Variants in PPFIA1 observed in about 807,000 individuals in gnomAD.
The protein encoded by PPFIA1 is PPFI scaffold protein A1.
A neutral mutation model predicts 149.9 loss-of-function variants in PPFIA1; 25 were observed. That is an observed-to-expected ratio of 0.17 (90% CI 0.12 to 0.23). PPFIA1 has a LOEUF of 0.23. Ranked by LOEUF, PPFIA1 falls within the 10% of genes least tolerant of loss-of-function variation. PPFIA1 has a pLI of 1.00. For synonymous variants in PPFIA1, 549 were observed against 552.8 expected (o/e 0.99, Z 0.10); for missense variants, 1,362 against 1,506.5 (o/e 0.90, Z 1.59).
intron 2 of PPFIA1, among the ~76,000 whole-genome samples, chr11:70,307,015 A>G (rs1262262863): frequency 1.3e-5 from 2 of 152,146 alleles, no homozygotes; most frequent in African/African-American, 4.8e-5. Context: ...ACATGAAGAG[A>G]TTTTGGAGAT....
rs546084596 is a variant in PPFIA1, at chr11:70,362,265, T to G, written c.2665-23T>G. ...GTAGACTGTACCTCACTGTGCTGCC[T>G]TCCTTCCGCTTTCCGCCTCCAGCTC... On this transcript the variant is annotated intron_variant, in intron 20 of 27. Transcript: ENST00000253925. The G allele has an allele frequency of 6.2e-6, 10 of 1,613,932 alleles. No individual in the cohort carries two copies. In the African/African-American group the frequency reaches 1.3e-4, roughly 22 times the overall value.
chr11:70,300,624 C>T (rs1173947177), intron 2 of PPFIA1, among the ~76,000 whole-genome samples: 1 of 151,850 alleles, frequency 6.6e-6, no homozygotes, highest in Non-Finnish European at 1.5e-5. Flanking sequence ...CAGCTCCCCT[C>T]CTGGTTTCAT....
intron 4 of PPFIA1, chr11:70,325,230 G>GA (rs1185295929): frequency 3.0e-5 from 14 of 462,010 alleles, no homozygotes; most frequent in Non-Finnish European, 5.0e-5. Flanking sequence ...GGTAGTATTA[G>GA]GTTGTTGCAA....
intron 2 of PPFIA1, among the ~76,000 whole-genome samples, chr11:70,317,058 A>G (rs1049869615): frequency 6.6e-6 from 1 of 152,230 alleles, no homozygotes; most frequent in Non-Finnish European, 1.5e-5. Context: ...TAATTATTGC[A>G]TCTATTCTAT....
At chr11:70,277,038 A>T (rs1332412568) in intron 2 of PPFIA1, among the ~76,000 whole-genome samples, 2 of 55,178 alleles carry the variant, frequency 3.6e-5, no homozygotes, top group African/African-American at 1.2e-4. Flanking sequence ...TTTGATTGAG[A>T]TATATATATA....
At chr11:70,368,238 T>C (rs1316193807) in intron 21 of PPFIA1, among the ~76,000 whole-genome samples, 2 of 152,236 alleles carry the variant, frequency 1.3e-5, no homozygotes, top group African/African-American at 4.8e-5. Flanking sequence ...CAAAAATGTT[T>C]GGCATATTTC....
intron 2 of PPFIA1, among the ~76,000 whole-genome samples, chr11:70,284,259 C>T (rs2050956151): frequency 6.6e-6 from 1 of 152,190 alleles, no homozygotes; most frequent in Admixed American, 6.5e-5. Flanking sequence ...TAGTAGTTGG[C>T]AAAACACCTC....
chr11:70,367,483 A>G (rs1306463245), intron 21 of PPFIA1: 1 of 455,868 alleles, frequency 2.2e-6, no homozygotes, highest in Admixed American at 2.3e-5. Context: ...TATGGAGTTC[A>G]TAAGACTGGG....
At chr11:70,282,942 C>G (rs995989616) in intron 2 of PPFIA1, among the ~76,000 whole-genome samples, 1 of 149,928 alleles carries the variant, frequency 6.7e-6, no homozygotes, top group Non-Finnish European at 1.5e-5. Context: ...CAGGTTCAAG[C>G]GATTCTCTTG....
chr11:70,274,956 T>G (rs1019878389), intron 2 of PPFIA1, among the ~76,000 whole-genome samples: 1 of 152,220 alleles, frequency 6.6e-6, no homozygotes, highest in Non-Finnish European at 1.5e-5. Context: ...ACACTTCTGT[T>G]GGATTTCTAC....
At chr11:70,335,761 CT>C (rs1259438627) in intron 11 of PPFIA1, 67 bp downstream of exon 11, 41 of 1,566,120 alleles carry the variant, frequency 2.6e-5, no homozygotes, top group East Asian at 1.8e-4. Context: ...TCATCTGCCC[CT>C]GAGCAGGCGT....
intron 2 of PPFIA1, among the ~76,000 whole-genome samples, chr11:70,286,739 G>C: frequency 6.7e-6 from 1 of 148,408 alleles, no homozygotes; most frequent in South Asian, 2.2e-4. Context: ...TTTGCAGCAA[G>C]ATCTTTCTTT....
At chr11:70,369,175 C>G (rs562631515) in intron 21 of PPFIA1, among the ~76,000 whole-genome samples, 10 of 152,236 alleles carry the variant, frequency 6.6e-5, no homozygotes, top group Non-Finnish European at 7.4e-5. Context: ...TCTTACATTT[C>G]CGGAATGCTT....
chr11:70,349,470 TA>T (rs1048364797), intron 16 of PPFIA1, among the ~76,000 whole-genome samples: 2 of 150,920 alleles, frequency 1.3e-5, no homozygotes, highest in Admixed American at 6.6e-5. Context: ...CATCTTTATC[TA>T]AAAAAAAACC....
chr11:70,368,052 C>T (rs80265989), intron 21 of PPFIA1, among the ~76,000 whole-genome samples: 5 of 152,100 alleles, frequency 3.3e-5, no homozygotes, highest in East Asian at 1.9e-4. Context: ...GCTGGAAAAT[C>T]GCTTGAGCCC....
chr11:70,278,032 G>A (rs1158920983), intron 2 of PPFIA1, among the ~76,000 whole-genome samples: 3 of 151,156 alleles, frequency 2.0e-5, no homozygotes, highest in Admixed American at 6.6e-5. Context: ...TGCCTCAGCC[G>A]CCCGAGTAGC....
intron 14 of PPFIA1, 90 bp from the exon 15 acceptor site, chr11:70,343,579 A>T: frequency 1.7e-6 from 2 of 1,200,984 alleles, no homozygotes; most frequent in Non-Finnish European, 2.4e-6. Context: ...TTGGGCTTTC[A>T]TTAAAGAATT....
In PPFIA1 at chr11:70,326,626, G is replaced by T; in HGVS notation, c.738G>T (p.Glu246Asp). 3 of 1,614,022 alleles carry T rather than the reference G, an allele frequency of 1.9e-6. No homozygotes were observed. The highest frequency in any genetic ancestry group is 2.5e-6 in the Non-Finnish European group (3 of 1,180,004). ...CTTCTGATGGTTCTTTAAGCCACGA[G>T]GAAGACCTTGCTAAAGTAATTGAGC... Reference protein sequence around the residue: ...KRSSDGSLSHEEDLAKVIELQ... With the variant: ...KRSSDGSLSHDEDLAKVIELQ... Residue 246 changes from glutamate to aspartate, a missense_variant, in exon 7 of 28, where the codon GAG becomes GAT. By Grantham distance (45) the Glu-to-Asp change is conservative (BLOSUM62 2). Around this residue, in one of 7 missense-constraint regions of PPFIA1, gnomAD observed 733 missense variants for 744.1 expected, o/e 0.99. Coordinates refer to ENST00000253925, the MANE Select transcript of PPFIA1 (RefSeq NM_003626.5).
chr11:70,362,369 G>A lies in PPFIA1; in HGVS notation c.2746G>A (p.Asp916Asn), dbSNP rs750191381. 17 of 1,614,056 alleles carry A rather than the reference G, an allele frequency of 1.1e-5. No homozygotes were observed. Among genetic ancestry groups the A allele is most frequent in the Middle Eastern group, 1.6e-4 (1 of 6,084 alleles). ...KSGAIMSALS[D>N]TEIQREIGIS... ...CGGGGCCATCATGTCGGCCCTGTCCGACACAGAGATCCAGCGTGAGATTGG... is the reference window on the plus strand; with the variant it reads ...CGGGGCCATCATGTCGGCCCTGTCCAACACAGAGATCCAGCGTGAGATTGG... Residue 916 changes from aspartate to asparagine, a missense_variant, in exon 21 of 28, where the codon GAC (aspartate) becomes AAC (asparagine). By Grantham distance (23) the Asp-to-Asn change is conservative. Coordinates refer to ENST00000253925, the MANE Select transcript of PPFIA1 (RefSeq NM_003626.5).
Sources: allele counts gnomAD v4.1 joint callset (sites outside exome capture counted in the v4.1 genomes callset), GRCh38; gene constraint gnomAD v4.1.1; regional missense constraint gnomAD v4.1.1; transcripts MANE v1.5; gene names NCBI Gene and HGNC (gene_info 2026-07-23, HGNC 2026-07-21).